SPAG6: variants seen among roughly 807,000 people sequenced by gnomAD.
The protein encoded by SPAG6 is sperm-associated antigen 6.
SPAG6 carries 49 observed loss-of-function variants against 58.5 expected under a neutral mutation model. That is an observed-to-expected ratio of 0.84 (90% CI 0.67 to 1.06). The LOEUF (loss-of-function observed/expected upper bound fraction) is 1.06. Ranked by LOEUF, SPAG6 falls within the 50% of genes least tolerant of loss-of-function variation. The pLI, the probability that SPAG6 is intolerant of heterozygous loss-of-function variation, is 0.00. For missense variants in SPAG6, 560 were observed against 611.3 expected (o/e 0.92, Z 0.89); for synonymous variants, 233 against 225.6 (o/e 1.03, Z -0.29).
intron 2 of SPAG6, among the ~76,000 whole-genome samples, chr10:22,351,655 C>G (rs2132029843): frequency 6.6e-6 from 1 of 152,152 alleles, no homozygotes; most frequent in East Asian, 1.9e-4. Context: ...GGGGGCAGAA[C>G]TTTGGGATTT....
intron 8 of SPAG6, among the ~76,000 whole-genome samples, chr10:22,400,932 A>AGAAAATTT (rs1834396346): frequency 6.6e-6 from 1 of 152,178 alleles, no homozygotes; most frequent in Non-Finnish European, 1.5e-5. Context: ...GAGCTCAGTA[A>AGAAAATTT]TACACTTTAC....
At position 22,396,817 on chromosome 10, in the gene SPAG6, T is replaced by C. The variant is rs141852374; in HGVS notation, c.1198-4344T>C. 8.9e-4 allele frequency among the ~76,000 whole-genome samples: 135 copies of C among 152,312 alleles called. 2 individuals carry two copies. In the East Asian group the frequency reaches 0.022, roughly 25 times the overall value. On this transcript the variant is annotated intron_variant, in intron 8 of 10. Transcript: ENST00000376624. Reference sequence around the variant, plus strand: ...AAATGAATGAAGTTAGAACTGTAGATGCTATGCTAGTTAATAGGTAAACCA... The same window carrying C: ...AAATGAATGAAGTTAGAACTGTAGACGCTATGCTAGTTAATAGGTAAACCA...
rs529248789 is a variant in SPAG6 at position 22,373,250 on chromosome 10, C to G, written c.472+4572C>G. 5.9e-5 allele frequency among the ~76,000 whole-genome samples: 9 copies of G among 152,220 alleles called. No homozygotes were observed. The South Asian group carries it at 1.9e-3, about 32-fold the overall frequency. ...GGAAACATTGAGTCCATTGTATCCT[C>G]TTTACTAGATAGATAATGTAAGCAA... is the stretch of plus-strand genomic sequence containing the variant. On this transcript the variant is annotated intron_variant, in intron 4 of 10. Coordinates refer to ENST00000376624, the MANE Select transcript of SPAG6 (RefSeq NM_012443.4).
chr10:22,361,773 C>T (rs1182100839), intron 2 of SPAG6, among the ~76,000 whole-genome samples: 2 of 151,790 alleles, frequency 1.3e-5, no homozygotes, highest in South Asian at 2.1e-4. Flanking sequence ...AAATTATAAA[C>T]TAAAATTTTT....
chr10:22,395,671 G>A (rs1319073857), intron 8 of SPAG6, among the ~76,000 whole-genome samples: 3 of 152,152 alleles, frequency 2.0e-5, no homozygotes, highest in African/African-American at 7.2e-5. Flanking sequence ...CTCACATTCT[G>A]TGGGTTATCT....
At chr10:22,414,077 T>C (rs908136593) in intron 10 of SPAG6, among the ~76,000 whole-genome samples, 2 of 152,166 alleles carry the variant, frequency 1.3e-5, no homozygotes, top group Admixed American at 6.5e-5. Context: ...TGGGCCTGGC[T>C]TACTCCACAG....
At chr10:22,362,658 A>T (rs1837078472) in intron 2 of SPAG6, among the ~76,000 whole-genome samples, 1 of 152,010 alleles carries the variant, frequency 6.6e-6, no homozygotes, top group South Asian at 2.1e-4. Flanking sequence ...TGAACCTGAG[A>T]GGTTGAGGCT....
At chr10:22,379,196 A>G (rs1413930552) in intron 4 of SPAG6, among the ~76,000 whole-genome samples, 5 of 152,300 alleles carry the variant, frequency 3.3e-5, no homozygotes, top group East Asian at 1.9e-4. Context: ...GGAGATGTCA[A>G]TCTCTCAGCT....
intron 2 of SPAG6, among the ~76,000 whole-genome samples, chr10:22,349,944 A>G (rs1262446236): frequency 6.6e-6 from 1 of 152,178 alleles, no homozygotes; most frequent in Non-Finnish European, 1.5e-5. Context: ...ATGAGAAGGA[A>G]AAGCCCTGAG....
At chr10:22,415,276 A>T (rs1271766485) in intron 10 of SPAG6, among the ~76,000 whole-genome samples, 2 of 150,690 alleles carry the variant, frequency 1.3e-5, no homozygotes, top group Non-Finnish European at 3.0e-5. Context: ...ATTACATTAA[A>T]ATATAAAATT....
chr10:22,358,815 G>A (rs1836947807), intron 2 of SPAG6, among the ~76,000 whole-genome samples: 3 of 152,134 alleles, frequency 2.0e-5, no homozygotes, highest in Admixed American at 6.6e-5. Context: ...GCCAGTTTTC[G>A]AGAACTGATT....
At chr10:22,352,319 A>T (rs1246354437) in intron 2 of SPAG6, among the ~76,000 whole-genome samples, 1 of 152,186 alleles carries the variant, frequency 6.6e-6, no homozygotes, top group African/African-American at 2.4e-5. Context: ...TTCATAGGCT[A>T]GATTATATTA....
At chr10:22,379,095 G>C (rs1047596125) in intron 4 of SPAG6, among the ~76,000 whole-genome samples, 4 of 152,130 alleles carry the variant, frequency 2.6e-5, no homozygotes, top group African/African-American at 9.7e-5. Flanking sequence ...AATGACATTT[G>C]TGTGTGTGTG....
intron 2 of SPAG6, among the ~76,000 whole-genome samples, chr10:22,363,138 C>T (rs1406523657): frequency 6.6e-6 from 1 of 152,110 alleles, no homozygotes; most frequent in Non-Finnish European, 1.5e-5. Context: ...GAACTGTAAA[C>T]TTAAAAATGG....
intron 4 of SPAG6, among the ~76,000 whole-genome samples, chr10:22,385,525 T>A (rs1834045487): frequency 6.6e-6 from 1 of 152,218 alleles, no homozygotes; most frequent in South Asian, 2.1e-4. Flanking sequence ...CAGAAGTGTG[T>A]CATTGGCGCC....
chr10:22,348,361 G>A (rs1249212830), intron 2 of SPAG6, among the ~76,000 whole-genome samples: 8 of 152,270 alleles, frequency 5.3e-5, no homozygotes, highest in African/African-American at 1.9e-4. Flanking sequence ...GCTTTAGAAT[G>A]AGCCTCAGTA....
Position 22,391,841 on chromosome 10 carries a change from C to T in SPAG6, c.1118C>T (p.Ala373Val). The T allele has an allele frequency of 6.2e-7, 1 of 1,613,496 alleles. No homozygotes were observed. The highest frequency in any genetic ancestry group is 8.5e-7 in the Non-Finnish European group (1 of 1,179,668). The change falls in exon 8 of 11, where the codon GCT (alanine) becomes GTT (valine). Residue 373 changes from alanine to valine, a missense_variant. Physicochemically the swap from Ala to Val is moderately conservative, Grantham distance 64 (BLOSUM62 0). Coordinates refer to ENST00000376624, the MANE Select transcript of SPAG6 (RefSeq NM_012443.4). ...IGRHTPEHAR[A>V]VAVTNTLPVL... Reference sequence around the variant, plus strand: ...AGACACACTCCTGAACACGCACGGGCTGTTGCAGTCACAAATACTTTGCCA... The same window carrying T: ...AGACACACTCCTGAACACGCACGGGTTGTTGCAGTCACAAATACTTTGCCA...
At chr10:22,347,502 A>T (rs1404735648) in intron 2 of SPAG6, among the ~76,000 whole-genome samples, 1 of 152,230 alleles carries the variant, frequency 6.6e-6, no homozygotes, top group Non-Finnish European at 1.5e-5. Context: ...CTTAACAAAG[A>T]TTTAGTTTCT....
rs1424353075 is a variant in SPAG6, at chr10:22,345,838, C to T, written c.121+20C>T. The T allele has an allele frequency of 6.2e-7, 1 of 1,603,866 alleles. No homozygotes were observed. The highest frequency in any genetic ancestry group is 8.5e-7 in the Non-Finnish European group (1 of 1,175,482). ...ACGCGGGTGAGCCCGGAGCCCGAAC[C>T]CCCGTCGCCCCCCGCGCACTGAGTC... On this transcript the variant is annotated intron_variant, in intron 2 of 10. Coordinates refer to ENST00000376624, the MANE Select transcript of SPAG6 (RefSeq NM_012443.4). The surrounding 1 kb of genome is among the most constrained non-coding windows in gnomAD (Gnocchi z 6.3).
Sources: gnomAD v4.1 joint callset for allele counts (sites outside exome capture counted in the v4.1 genomes callset) on GRCh38, gnomAD v4.1.1 for gene constraint, Gnocchi (gnomAD v3.1) non-coding constraint, MANE v1.5 for transcripts, NCBI Gene and HGNC (gene_info 2026-07-23, HGNC 2026-07-21) for gene names.